CDKAL1: variants seen among roughly 807,000 people sequenced by gnomAD.
The protein encoded by CDKAL1 is CDKAL1 threonylcarbamoyladenosine tRNA methylthiotransferase, also known as threonylcarbamoyladenosine tRNA methylthiotransferase.
A neutral mutation model predicts 68.2 loss-of-function variants in CDKAL1; 32 were observed. That is an observed-to-expected ratio of 0.47 (90% CI 0.35 to 0.63). The LOEUF is 0.63. Among genes scored for constraint, CDKAL1 ranks in the 30% least tolerant of loss-of-function variants. CDKAL1 has a pLI of 0.00. For missense variants in CDKAL1, 606 were observed against 696.7 expected, an observed-to-expected ratio of 0.87 and a Z score of 1.47; for synonymous variants, 234 against 244.3, an observed-to-expected ratio of 0.96 and a Z score of 0.39.
intron 13 of CDKAL1, among the ~76,000 whole-genome samples, chr6:21,174,677 A>G (rs909283867): frequency 6.6e-6 from 1 of 152,160 alleles, no homozygotes; most frequent in African/African-American, 2.4e-5. Flanking sequence ...TCACAGTGCT[A>G]AATGATGCCA....
chr6:20,690,768 CTACTT>C (rs1166670292), intron 5 of CDKAL1, among the ~76,000 whole-genome samples: 3 of 152,126 alleles, frequency 2.0e-5, no homozygotes, highest in South Asian at 2.1e-4. Flanking sequence ...GAAGTCAAGA[CTACTT>C]TACCATGTTC....
intron 5 of CDKAL1, among the ~76,000 whole-genome samples, chr6:20,717,286 T>A (rs1772143104): frequency 6.6e-6 from 1 of 151,932 alleles, no homozygotes; most frequent in African/African-American, 2.4e-5. Flanking sequence ...ATTTTGTATT[T>A]TTAATACAAA....
chr6:20,629,716 C>T (rs533792526), intron 4 of CDKAL1, among the ~76,000 whole-genome samples: 3 of 152,222 alleles, frequency 2.0e-5, no homozygotes, highest in African/African-American at 7.2e-5. Context: ...CCTTGTCATG[C>T]AGATGCCCAT....
Position 20,916,743 on chromosome 6 carries a change from C to A in CDKAL1, c.743-38676C>A, listed in dbSNP as rs191783154. On this transcript the variant is annotated intron_variant, in intron 9 of 15. Transcript: ENST00000274695. ...TATATTTTAGGTTTAATAAATGAAT[C>A]CAAAAAGGCTATCACTAAGCATCTG... Among the ~76,000 whole-genome samples the A allele has an allele frequency of 4.4e-3, 670 of 152,246 alleles. 4 individuals are homozygous for A. The highest frequency in any genetic ancestry group is 0.016 in the African/African-American group (647 of 41,548).
intron 4 of CDKAL1, among the ~76,000 whole-genome samples, chr6:20,623,533 G>T (rs1346485651): frequency 4.6e-5 from 7 of 151,966 alleles, no homozygotes; most frequent in Admixed American, 1.3e-4. Context: ...TTCAAATCTT[G>T]TTAAAATCTT....
At chr6:21,140,743 T>C (rs1775858422) in intron 13 of CDKAL1, among the ~76,000 whole-genome samples, 1 of 152,176 alleles carries the variant, frequency 6.6e-6, no homozygotes, top group Non-Finnish European at 1.5e-5. Context: ...TAAAAAACAC[T>C]GGGTTCCTTA....
intron 2 of CDKAL1, among the ~76,000 whole-genome samples, chr6:20,545,356 A>G (rs1275129756): frequency 6.6e-6 from 1 of 152,154 alleles, no homozygotes; most frequent in African/African-American, 2.4e-5. Context: ...AATATTTAGA[A>G]AAGTCGTATA....
chr6:20,823,996 G>A (rs1299140290), intron 8 of CDKAL1, among the ~76,000 whole-genome samples: 1 of 152,060 alleles, frequency 6.6e-6, no homozygotes, highest in Non-Finnish European at 1.5e-5. Flanking sequence ...GGGGCAAATG[G>A]GACAAAGGTT....
intron 9 of CDKAL1, among the ~76,000 whole-genome samples, chr6:20,876,731 AT>A (rs1760538190): frequency 6.6e-6 from 1 of 152,096 alleles, no homozygotes; most frequent in Non-Finnish European, 1.5e-5. Context: ...ATCATTAAAC[AT>A]TTTGTTTTCT....
intron 4 of CDKAL1, among the ~76,000 whole-genome samples, chr6:20,627,452 G>A (rs990887155): frequency 3.3e-5 from 5 of 152,122 alleles, no homozygotes; most frequent in African/African-American, 1.2e-4. Flanking sequence ...TGATCCCTGG[G>A]AGGTTTCCCT....
intron 5 of CDKAL1, among the ~76,000 whole-genome samples, chr6:20,677,030 CTG>C (rs1313829654): frequency 6.6e-6 from 1 of 151,968 alleles, no homozygotes; most frequent in Non-Finnish European, 1.5e-5. Context: ...ATAATTTCTT[CTG>C]TTTTTATTAT....
At chr6:20,906,910 A>G (rs1332662891) in intron 9 of CDKAL1, among the ~76,000 whole-genome samples, 1 of 152,224 alleles carries the variant, frequency 6.6e-6, no homozygotes, top group Non-Finnish European at 1.5e-5. Flanking sequence ...ATTAAGAGAA[A>G]AGAGCCAGTC....
At chr6:20,550,959 C>T (rs1040488956) in intron 4 of CDKAL1, among the ~76,000 whole-genome samples, 5 of 148,740 alleles carry the variant, frequency 3.4e-5, no homozygotes, top group South Asian at 2.1e-4. Flanking sequence ...CTCCGCCTCA[C>T]GGTTCAAGGG....
intron 12 of CDKAL1, among the ~76,000 whole-genome samples, chr6:21,085,909 C>T (rs910267644): frequency 5.9e-5 from 9 of 152,060 alleles, no homozygotes; most frequent in Non-Finnish European, 7.4e-5. Context: ...GGAATTAAGA[C>T]GGTAATGAAA....
intron 15 of CDKAL1, among the ~76,000 whole-genome samples, chr6:21,227,521 A>G (rs9368289): frequency 1 from 152,342 of 152,374 alleles, 76,155 homozygotes; most frequent in Middle Eastern, 1. Context: ...AGGGCACAGC[A>G]CAATAGAGAC....
chr6:20,918,717 A>G (rs2150643605), intron 9 of CDKAL1, among the ~76,000 whole-genome samples: 1 of 152,330 alleles, frequency 6.6e-6, no homozygotes, highest in East Asian at 1.9e-4. Context: ...TCCGCTTCTC[A>G]GTTTCTTTAC....
At chr6:20,780,339 ATGTT>A (rs962454635) in intron 7 of CDKAL1, among the ~76,000 whole-genome samples, 20 of 152,014 alleles carry the variant, frequency 1.3e-4, no homozygotes, top group Non-Finnish European at 1.9e-4. Flanking sequence ...TAAGTTTAAA[ATGTT>A]TGTTTGTTTA....
At chr6:20,989,632 GA>G (rs1356310660) in intron 10 of CDKAL1, among the ~76,000 whole-genome samples, 9 of 152,178 alleles carry the variant, frequency 5.9e-5, no homozygotes, top group Non-Finnish European at 1.3e-4. Context: ...ATCAGCTATT[GA>G]TTCGTTCTGT....
chr6:20,758,530 A>G, intron 6 of CDKAL1, 65 bp from the exon 7 acceptor site: 1 of 1,409,896 alleles, frequency 7.1e-7, no homozygotes, highest in South Asian at 1.2e-5. Context: ...CTCAAGCATA[A>G]GGATAAACAC....
Sources: allele counts gnomAD v4.1 joint callset (sites outside exome capture counted in the v4.1 genomes callset), GRCh38; gene constraint gnomAD v4.1.1; transcripts MANE v1.5; gene names NCBI Gene and HGNC (gene_info 2026-07-23, HGNC 2026-07-21).